Variants in FOXO1 observed in about 807,000 individuals in gnomAD.
The protein encoded by FOXO1 is forkhead box O1.
A neutral mutation model predicts 44.1 loss-of-function variants in FOXO1; 6 were observed. That is an observed-to-expected ratio of 0.14 (90% CI 0.07 to 0.27). The LOEUF is 0.27. Among genes scored for constraint, FOXO1 ranks in the 10% least tolerant of loss-of-function variants. The pLI, the probability that FOXO1 is intolerant of heterozygous loss-of-function variation, is 1.00. For missense variants in FOXO1, 737 were observed against 888.8 expected, an observed-to-expected ratio of 0.83 and a Z score of 2.17; for synonymous variants, 380 against 362.7, an observed-to-expected ratio of 1.05 and a Z score of -0.54.
At chr13:40,574,381 C>A (rs1332363205) in intron 1 of FOXO1, among the ~76,000 whole-genome samples, 1 of 152,158 alleles carries the variant, frequency 6.6e-6, no homozygotes, top group Non-Finnish European at 1.5e-5. Flanking sequence ...GCCCTGGTGT[C>A]TCCGTACCAA....
At chr13:40,611,711 C>A (rs1876240749) in intron 1 of FOXO1, among the ~76,000 whole-genome samples, 1 of 152,154 alleles carries the variant, frequency 6.6e-6, no homozygotes, top group Non-Finnish European at 1.5e-5. Context: ...TCAGCACTCT[C>A]TCACGAGCCC....
chr13:40,564,497 C>T (rs1007738021), intron 1 of FOXO1, among the ~76,000 whole-genome samples: 3 of 152,160 alleles, frequency 2.0e-5, no homozygotes, highest in African/African-American at 2.4e-5. Flanking sequence ...AAAGAAGCTA[C>T]GGTTTCTAGG....
At chr13:40,575,084 C>A (rs1874692131) in intron 1 of FOXO1, among the ~76,000 whole-genome samples, 2 of 151,994 alleles carry the variant, frequency 1.3e-5, no homozygotes, top group Non-Finnish European at 2.9e-5. Context: ...GTAATCCCAG[C>A]ACTTTCGGAG....
At position 40,597,163 on chromosome 13, in the gene FOXO1, T is replaced by A. The variant is rs1875611086; in HGVS notation, c.631-36303A>T. Among the ~76,000 whole-genome samples, 3 of 150,066 alleles carry A rather than the reference T, an allele frequency of 2.0e-5. No homozygotes were observed. The South Asian group carries it at 6.5e-4, about 32-fold the overall frequency. ...CTACAAAACCGCTGTTTACAGACAG[T>A]TACACGTGATTAATGCTTTAATATC... On this transcript the variant is annotated intron_variant, in intron 1 of 2. Transcript: ENST00000379561.
chr13:40,561,350 T>C (rs1484393991), intron 1 of FOXO1, among the ~76,000 whole-genome samples: 2 of 16,846 alleles, frequency 1.2e-4, no homozygotes, highest in Admixed American at 1.1e-3. Flanking sequence ...AGACTCGATC[T>C]CAAAAAAAAA....
chr13:40,659,734 T>G (rs750284585), intron 1 of FOXO1, among the ~76,000 whole-genome samples: 2 of 152,152 alleles, frequency 1.3e-5, no homozygotes, highest in Non-Finnish European at 2.9e-5. Context: ...AAGTCAACCC[T>G]AGATTCAACT....
chr13:40,606,555 C>T (rs1291936793), intron 1 of FOXO1, among the ~76,000 whole-genome samples: 4 of 152,120 alleles, frequency 2.6e-5, no homozygotes, highest in Non-Finnish European at 5.9e-5. Context: ...TCAAGTGATC[C>T]GCCCGCCTCG....
intron 1 of FOXO1, among the ~76,000 whole-genome samples, chr13:40,664,839 G>C (rs1049955298): frequency 3.3e-5 from 5 of 149,416 alleles, no homozygotes; most frequent in East Asian, 2.1e-4. Flanking sequence ...CACCGCCCGC[G>C]CCCGCCCCCG....
In FOXO1 at chr13:40,661,769, T is replaced by C. The variant is rs543999487; in HGVS notation, c.630+3814A>G. Among the ~76,000 whole-genome samples the C allele has an allele frequency of 2.6e-5, 4 of 152,264 alleles. No individual in the cohort carries two copies. The East Asian group carries it at 5.8e-4, about 22-fold the overall frequency. ...TGTGGCTGGTTCAATTACTCACCTA[T>C]AGATTATACCCAAATTACAGAATAT... is the stretch of plus-strand genomic sequence containing the variant. On this transcript the variant is annotated intron_variant, in intron 1 of 2. Coordinates refer to ENST00000379561, the MANE Select transcript of FOXO1 (RefSeq NM_002015.4).
At chr13:40,591,701 A>G (rs535058123) in intron 1 of FOXO1, among the ~76,000 whole-genome samples, 4 of 152,256 alleles carry the variant, frequency 2.6e-5, no homozygotes, top group Middle Eastern at 3.4e-3. Context: ...AAAAACTACT[A>G]AAAATATATA....
At chr13:40,630,634 G>A (rs996483094) in intron 1 of FOXO1, among the ~76,000 whole-genome samples, 2 of 151,554 alleles carry the variant, frequency 1.3e-5, no homozygotes, top group African/African-American at 2.4e-5. Context: ...CAGACTGGGC[G>A]TGGGAGCAAA....
Position 40,665,770 on chromosome 13 carries a change from T to G in FOXO1, c.443A>C (p.Gln148Pro). The stretch of plus-strand genomic sequence containing the variant: ...GCGGGACGAGCTGCTCTTGCGCGGC[T>G]GCCCCGCGAGCGGCCCAGCGGCGGC... The part of the protein sequence containing the change: ...PPAAAGPLAG[Q>P]PRKSSSSRRN... The change falls in exon 1 of 3, where the codon CAG becomes CCG. Residue 148 changes from glutamine (Q) to proline (P), a missense_variant. Physicochemically the swap from Gln to Pro is moderately conservative, Grantham distance 76. Around this residue, in one of 7 missense-constraint regions of FOXO1, gnomAD observed 213 missense variants for 236.4 expected, o/e 0.90. Coordinates refer to ENST00000379561, the MANE Select transcript of FOXO1 (RefSeq NM_002015.4). 7.4e-7 allele frequency: 1 copy of G among 1,353,158 alleles called. No homozygotes were observed. Among genetic ancestry groups the G allele is most frequent in the Non-Finnish European group, 9.7e-7 (1 of 1,036,190 alleles). The allele number at this position is 1,353,158 out of a possible 1,614,324, so 83.8% of individuals were successfully genotyped here. A position where few individuals can be genotyped will look rare whatever the true frequency, so the allele number is the denominator to read the frequency against.
intron 1 of FOXO1, among the ~76,000 whole-genome samples, chr13:40,654,432 C>T (rs1299111223): frequency 4.2e-5 from 6 of 143,218 alleles, no homozygotes; most frequent in Non-Finnish European, 7.5e-5. Context: ...ACTCTGGAGG[C>T]GGAGGTTGCA....
intron 1 of FOXO1, among the ~76,000 whole-genome samples, chr13:40,626,881 G>C (rs909053365): frequency 1.3e-5 from 2 of 152,182 alleles, no homozygotes; most frequent in Admixed American, 6.5e-5. Context: ...TACATGCACT[G>C]AATTTCAGTC....
intron 1 of FOXO1, among the ~76,000 whole-genome samples, chr13:40,609,224 C>T (rs527959623): frequency 2.0e-5 from 3 of 152,114 alleles, no homozygotes; most frequent in Non-Finnish European, 4.4e-5. Flanking sequence ...ACATATTATG[C>T]AATAAAGTCA....
At chr13:40,617,258 C>T (rs1374935719) in intron 1 of FOXO1, among the ~76,000 whole-genome samples, 2 of 152,088 alleles carry the variant, frequency 1.3e-5, no homozygotes, top group African/African-American at 4.8e-5. Context: ...CCAGCCTGAC[C>T]AACATGGAGA....
chr13:40,645,435 TTA>T (rs1386235703), intron 1 of FOXO1, among the ~76,000 whole-genome samples: 1 of 152,232 alleles, frequency 6.6e-6, no homozygotes, highest in East Asian at 1.9e-4. Flanking sequence ...TTTACAGGCC[TTA>T]AGGTGACTTG....
intron 1 of FOXO1, among the ~76,000 whole-genome samples, chr13:40,561,871 A>C (rs61464675): frequency 0.043 from 6,354 of 146,992 alleles, 539 homozygotes; most frequent in East Asian, 0.39. Flanking sequence ...TGGCAGGCTG[A>C]GGCAGGAGAA....
intron 1 of FOXO1, among the ~76,000 whole-genome samples, chr13:40,654,271 T>C (rs111920339): frequency 7.9e-6 from 1 of 126,846 alleles, no homozygotes; most frequent in African/African-American, 3.0e-5. Context: ...AGGTCAGGAG[T>C]TCAAGACCAG....
Sources: gnomAD v4.1 joint callset for allele counts (sites outside exome capture counted in the v4.1 genomes callset) on GRCh38, gnomAD v4.1.1 for gene constraint, gnomAD v4.1.1 regional missense constraint, MANE v1.5 for transcripts, NCBI Gene and HGNC (gene_info 2026-07-23, HGNC 2026-07-21) for gene names.